The following JAKMIP2 variants were observed in gnomAD, a reference collection of about 807,000 sequenced individuals.
The protein encoded by JAKMIP2 is janus kinase and microtubule interacting protein 2.
JAKMIP2 carries 25 observed loss-of-function variants against 115.0 expected under a neutral mutation model. The observed-to-expected ratio is 0.22, with a 90% CI of 0.16 to 0.30. The LOEUF is 0.30. JAKMIP2 is among the 10% of genes least tolerant of loss of function. JAKMIP2 has a pLI of 1.00. For synonymous variants in JAKMIP2, 334 were observed against 343.6 expected, an observed-to-expected ratio of 0.97 and a Z score of 0.31; for missense variants, 642 against 957.6, an observed-to-expected ratio of 0.67 and a Z score of 4.35.
chr5:147,729,850 C>A (rs945131992), intron 1 of JAKMIP2, among the ~76,000 whole-genome samples: 1 of 151,294 alleles, frequency 6.6e-6, no homozygotes, highest in Non-Finnish European at 1.5e-5. Context: ...AGAGGAAACA[C>A]AAGAGTCAAA....
At chr5:147,703,620 C>T (rs1752459498) in intron 1 of JAKMIP2, among the ~76,000 whole-genome samples, 1 of 147,804 alleles carries the variant, frequency 6.8e-6, no homozygotes, top group Admixed American at 6.8e-5. Flanking sequence ...AGTGACAAGA[C>T]CTCACTATGT....
At chr5:147,661,844 T>C (rs1009924707) in intron 2 of JAKMIP2, 2 of 179,132 alleles carry the variant, frequency 1.1e-5, no homozygotes, top group Non-Finnish European at 2.3e-5. Flanking sequence ...AATTAGAAAG[T>C]ATCGCTATCA....
chr5:147,627,880 A>C (rs1310182134), intron 16 of JAKMIP2, among the ~76,000 whole-genome samples: 1 of 151,846 alleles, frequency 6.6e-6, no homozygotes, highest in Non-Finnish European at 1.5e-5. Context: ...TTTTTATTTC[A>C]TTCTTTTGTT....
intron 1 of JAKMIP2, among the ~76,000 whole-genome samples, chr5:147,747,082 C>G (rs527703518): frequency 9.2e-5 from 14 of 152,192 alleles, no homozygotes; most frequent in African/African-American, 2.9e-4. Context: ...CTCCCACATA[C>G]CATAGTGCTT....
chr5:147,613,670 T>C lies in JAKMIP2; in HGVS notation c.2347-1299A>G, dbSNP rs540992796. On this transcript the variant is annotated intron_variant, in intron 19 of 21. Coordinates refer to ENST00000616793, the MANE Select transcript of JAKMIP2 (RefSeq NM_001270941.2). ...GTATGTGCATCTAGCATCTACTGAG[T>C]AGAAGCCAGGAATGCTACTAAACAT... Among the ~76,000 whole-genome samples, 6 of 152,264 alleles carry C rather than the reference T, an allele frequency of 3.9e-5. No individual in the cohort carries two copies. In the South Asian group the frequency reaches 1.2e-3, roughly 32 times the overall value.
chr5:147,777,127 T>A (rs11952293), intron 1 of JAKMIP2, among the ~76,000 whole-genome samples: 2,467 of 152,232 alleles, frequency 0.016, 76 homozygotes, highest in African/African-American at 0.055. Context: ...ACCTCATTCA[T>A]TATCAGCAGA....
rs1370621224 is a variant in JAKMIP2 at position 147,590,883 on chromosome 5, G to A, written c.*824C>T. ...TTGATAGAGGAATGCAGATGTGAGA[G>A]TAGGACAAGGAAGCATCGAATCTGC... On this transcript the variant is annotated 3_prime_UTR_variant, in exon 22 of 22. Transcript: ENST00000616793. 6.6e-6 allele frequency: 1 copy of A among 152,148 alleles called. No individual in the cohort carries two copies. Among genetic ancestry groups the A allele is most frequent in the African/African-American group, 2.4e-5 (1 of 41,398 alleles). 9.4% of individuals were successfully genotyped at this position (152,148 alleles called of 1,614,324 possible).
chr5:147,610,606 G>A lies in JAKMIP2; in HGVS notation c.2412+1700C>T, dbSNP rs117324296. Reference sequence around the variant, plus strand: ...GATGCCAGCCAGAGTTCTCCAGTAGGAGGTGTCTGTCGAACCCTCCTGGGA... The same window carrying A: ...GATGCCAGCCAGAGTTCTCCAGTAGAAGGTGTCTGTCGAACCCTCCTGGGA... On this transcript the variant is annotated intron_variant, in intron 20 of 21. Coordinates refer to ENST00000616793, the MANE Select transcript of JAKMIP2 (RefSeq NM_001270941.2). Among the ~76,000 whole-genome samples, 950 of 152,290 alleles carry A rather than the reference G, an allele frequency of 6.2e-3. 52 individuals are homozygous for A. The East Asian group carries it at 0.13, about 21-fold the overall frequency.
intron 12 of JAKMIP2, among the ~76,000 whole-genome samples, chr5:147,635,092 G>A (rs910882536): frequency 2.6e-5 from 4 of 151,994 alleles, no homozygotes; most frequent in Admixed American, 6.6e-5. Context: ...CAGGAGAATC[G>A]CTTCAACCTG....
rs115014781 is a variant in JAKMIP2 at position 147,614,398 on chromosome 5, C to T, written c.2347-2027G>A. The stretch of plus-strand genomic sequence containing the variant: ...AAATGTGTTATGCTACATCATATGA[C>T]GTATACTTGATTTCTTTTTGCTTCC... On this transcript the variant is annotated intron_variant, in intron 19 of 21. Transcript: ENST00000616793. Among the ~76,000 whole-genome samples, 906 of 152,250 alleles carry T rather than the reference C, an allele frequency of 6.0e-3. 14 individuals are homozygous for T. Among genetic ancestry groups the T allele is most frequent in the African/African-American group, 0.021 (867 of 41,536 alleles).
At chr5:147,699,124 A>G (rs1439883347) in intron 1 of JAKMIP2, among the ~76,000 whole-genome samples, 1 of 152,254 alleles carries the variant, frequency 6.6e-6, no homozygotes, top group East Asian at 1.9e-4. Flanking sequence ...CCCATCTATT[A>G]TTACATACAG....
intron 12 of JAKMIP2, 44 bp downstream of exon 12, chr5:147,636,178 A>T (rs1461235043): frequency 6.5e-7 from 1 of 1,537,042 alleles, no homozygotes; most frequent in Non-Finnish European, 9.0e-7. Context: ...TGGATCTCTC[A>T]TGATTTTCTC....
intron 4 of JAKMIP2, 122 bp from the exon 5 acceptor site, chr5:147,648,596 T>C (rs1029150965): frequency 1.6e-6 from 1 of 619,194 alleles, no homozygotes; most frequent in African/African-American, 1.9e-5. Flanking sequence ...GAAGTGAGAA[T>C]AAAATATTCT....
chr5:147,608,496 C>T (rs1756146371), intron 20 of JAKMIP2, among the ~76,000 whole-genome samples: 2 of 152,216 alleles, frequency 1.3e-5, no homozygotes, highest in Admixed American at 1.3e-4. Flanking sequence ...AAGTGAGTTT[C>T]TTAATCCTGA....
intron 1 of JAKMIP2, among the ~76,000 whole-genome samples, chr5:147,724,535 T>C (rs1417813776): frequency 6.6e-6 from 1 of 152,154 alleles, no homozygotes; most frequent in African/African-American, 2.4e-5. Context: ...CCTCTAAAAA[T>C]TGATCAAATA....
At chr5:147,651,076 G>A (rs1026431646) in intron 3 of JAKMIP2, among the ~76,000 whole-genome samples, 1 of 150,694 alleles carries the variant, frequency 6.6e-6, no homozygotes, top group Admixed American at 6.6e-5. Context: ...TCAGGTGATG[G>A]ATTTGGAGGG....
At chr5:147,597,436 T>G (rs908417960) in intron 21 of JAKMIP2, among the ~76,000 whole-genome samples, 2 of 152,312 alleles carry the variant, frequency 1.3e-5, no homozygotes, top group South Asian at 4.1e-4. Flanking sequence ...AGAAATATCA[T>G]TAAAATTTAT....
chr5:147,752,441 C>A (rs901985006), intron 1 of JAKMIP2, among the ~76,000 whole-genome samples: 3 of 152,166 alleles, frequency 2.0e-5, no homozygotes, highest in Non-Finnish European at 2.9e-5. Flanking sequence ...CCAAATCCAG[C>A]CTGCAGCCTA....
chr5:147,673,733 T>C (rs1182901586), intron 1 of JAKMIP2, among the ~76,000 whole-genome samples: 3 of 152,192 alleles, frequency 2.0e-5, no homozygotes, highest in Admixed American at 2.0e-4. Flanking sequence ...CAAGCACATA[T>C]TGAACATTTG....
Sources: allele counts gnomAD v4.1 joint callset (sites outside exome capture counted in the v4.1 genomes callset), GRCh38; gene constraint gnomAD v4.1.1; transcripts MANE v1.5; gene names NCBI Gene and HGNC (gene_info 2026-07-23, HGNC 2026-07-21).